PPFIA1: variants seen among roughly 807,000 people sequenced by gnomAD.
PPFIA1 encodes liprin-alpha-1.
Under a neutral mutation model 149.9 loss-of-function variants are expected in PPFIA1, and 25 were observed. That is an observed-to-expected ratio of 0.17 (90% CI 0.12 to 0.23). The LOEUF is 0.23. PPFIA1 is among the 10% of genes least tolerant of loss of function. PPFIA1 has a pLI of 1.00. For synonymous variants in PPFIA1, 549 were observed against 552.8 expected (o/e 0.99, Z 0.10); for missense variants, 1,362 against 1,506.5 (o/e 0.90, Z 1.59).
At chr11:70,272,138 G>A in intron 1 of PPFIA1, 35 bp from the exon 2 acceptor site, 1 of 1,601,500 alleles carries the variant, frequency 6.2e-7, no homozygotes, top group East Asian at 2.2e-5. Flanking sequence ...TGTATTCTGA[G>A]CTTAATTACT....
At chr11:70,345,792 C>G (rs964807547) in intron 15 of PPFIA1, 1 of 207,060 alleles carries the variant, frequency 4.8e-6, no homozygotes, top group African/African-American at 2.3e-5. Context: ...ATGCTGCTGC[C>G]CTCCAGCCAG....
Position 70,270,905 on chromosome 11 carries a change from G to C in PPFIA1, c.-10G>C, listed in dbSNP as rs2050028318. The stretch of plus-strand genomic sequence containing the variant: ...CGGAGCCTCCTCGCCCGCTCCCGCC[G>C]GCGAGCAAGGTAAGGGAGCGGGACA... On this transcript the variant is annotated 5_prime_UTR_variant, in exon 1 of 28. Coordinates refer to ENST00000253925, the MANE Select transcript of PPFIA1 (RefSeq NM_003626.5). 1 of 151,390 alleles carries C rather than the reference G, an allele frequency of 6.6e-6. No individual in the cohort carries two copies. The highest frequency in any genetic ancestry group is 1.5e-5 in the Non-Finnish European group (1 of 67,764). 9.4% of individuals were successfully genotyped at this position (151,390 alleles called of 1,614,324 possible).
intron 2 of PPFIA1, among the ~76,000 whole-genome samples, chr11:70,302,827 T>TTGAACTCC (rs1408456400): frequency 6.6e-6 from 1 of 151,662 alleles, no homozygotes; most frequent in Non-Finnish European, 1.5e-5. Context: ...CAGGCTGATC[T>TTGAACTCC]TGAACTCCTG....
At chr11:70,321,903 C>G (rs2053965489) in intron 2 of PPFIA1, among the ~76,000 whole-genome samples, 1 of 152,174 alleles carries the variant, frequency 6.6e-6, no homozygotes, top group South Asian at 2.1e-4. Context: ...GAGTTTCGCT[C>G]TTGTTGCCCA....
At chr11:70,378,263 A>G in intron 26 of PPFIA1, 68 bp downstream of exon 26, 2 of 1,551,224 alleles carry the variant, frequency 1.3e-6, no homozygotes, top group Non-Finnish European at 1.7e-6. Flanking sequence ...TGGAACATTA[A>G]TAATGATCTA....
chr11:70,350,477 T>C (rs1161493209), intron 16 of PPFIA1, among the ~76,000 whole-genome samples: 1 of 152,210 alleles, frequency 6.6e-6, no homozygotes, highest in Non-Finnish European at 1.5e-5. Flanking sequence ...TTCTTATATA[T>C]TTTCACAGGA....
At chr11:70,356,484 A>T (rs368558054) in intron 19 of PPFIA1, among the ~76,000 whole-genome samples, 15 of 152,254 alleles carry the variant, frequency 9.9e-5, no homozygotes, top group African/African-American at 7.2e-5. Context: ...CAACCAGGAG[A>T]TAGGGTGGGT....
In PPFIA1 at chr11:70,350,962, T is replaced by C. The variant is rs750281250; in HGVS notation, c.2163+2542T>C. ...TTCAAAGTGTATATAGTAAATCTGG[T>C]TTCTCTTCATTTCTTTGCATGCATC... On this transcript the variant is annotated intron_variant, in intron 16 of 27. Coordinates refer to ENST00000253925, the MANE Select transcript of PPFIA1 (RefSeq NM_003626.5). 9.0e-6 allele frequency: 11 copies of C among 1,228,858 alleles called. No homozygotes were observed. In the South Asian group the frequency reaches 1.6e-4, roughly 17 times the overall value. The allele number at this position is 1,228,858 out of a possible 1,614,324, so 76.1% of individuals were successfully genotyped here. A position where few individuals can be genotyped will look rare whatever the true frequency, so the allele number is the denominator to read the frequency against.
intron 2 of PPFIA1, among the ~76,000 whole-genome samples, chr11:70,316,147 C>T (rs1195810052): frequency 2.0e-5 from 3 of 152,110 alleles, no homozygotes; most frequent in African/African-American, 7.2e-5. Context: ...TCTCGGCTCA[C>T]TGCAGCCTCT....
chr11:70,332,637 G>A (rs1262643997), intron 9 of PPFIA1, among the ~76,000 whole-genome samples: 1 of 152,194 alleles, frequency 6.6e-6, no homozygotes, highest in African/African-American at 2.4e-5. Flanking sequence ...GTCCCTCCAA[G>A]TTCTCCCCAT....
chr11:70,337,042 A>C (rs1441714348), intron 11 of PPFIA1, among the ~76,000 whole-genome samples: 1 of 152,268 alleles, frequency 6.6e-6, no homozygotes, highest in Non-Finnish European at 1.5e-5. Flanking sequence ...ACTTAAATTC[A>C]GGTTTCCCAA....
chr11:70,274,608 C>T (rs756610313), intron 2 of PPFIA1, among the ~76,000 whole-genome samples: 1 of 152,186 alleles, frequency 6.6e-6, no homozygotes, highest in Admixed American at 6.5e-5. Flanking sequence ...CTGGTCATCC[C>T]GTGCACGAAC....
chr11:70,307,399 A>G (rs1458051542), intron 2 of PPFIA1, among the ~76,000 whole-genome samples: 1 of 152,174 alleles, frequency 6.6e-6, no homozygotes, highest in African/African-American at 2.4e-5. Context: ...GGAGGATGTT[A>G]TGCACCGATA....
intron 2 of PPFIA1, among the ~76,000 whole-genome samples, chr11:70,298,778 T>C (rs548596878): frequency 8.5e-5 from 13 of 152,314 alleles, no homozygotes; most frequent in Middle Eastern, 3.4e-3. Flanking sequence ...TACATTCATC[T>C]TTACGATTCT....
chr11:70,311,444 A>G (rs764453505), intron 2 of PPFIA1, among the ~76,000 whole-genome samples: 2 of 152,230 alleles, frequency 1.3e-5, no homozygotes, highest in Non-Finnish European at 2.9e-5. Context: ...GCTTTCTTCA[A>G]ACTGTTAACA....
At chr11:70,360,706 G>A (rs73519495) in intron 19 of PPFIA1, among the ~76,000 whole-genome samples, 1,593 of 152,344 alleles carry the variant, frequency 0.01, 33 homozygotes, top group African/African-American at 0.036. Flanking sequence ...CGCATCTTGC[G>A]ATACCACTTC....
At chr11:70,317,395 CT>C (rs2053698906) in intron 2 of PPFIA1, among the ~76,000 whole-genome samples, 1 of 152,134 alleles carries the variant, frequency 6.6e-6, no homozygotes, top group African/African-American at 2.4e-5. Context: ...TTGTTGGATT[CT>C]TCTGAGCAGA....
chr11:70,275,766 T>C (rs1290210682), intron 2 of PPFIA1, among the ~76,000 whole-genome samples: 6 of 152,190 alleles, frequency 3.9e-5, no homozygotes, highest in Non-Finnish European at 7.3e-5. Flanking sequence ...CTTTTTGTCA[T>C]CTTTGCACAA....
rs528654950 is a variant in PPFIA1 at position 70,380,295 on chromosome 11, C to T, written c.3551-1793C>T. The stretch of plus-strand genomic sequence containing the variant: ...AAAATACAAAAAAATCGGCCGGGCT[C>T]GGTGGCTCACGCCTGTAATCCCAGC... On this transcript the variant is annotated intron_variant, in intron 26 of 27. Transcript: ENST00000253925. 3.0e-4 allele frequency among the ~76,000 whole-genome samples: 46 copies of T among 151,530 alleles called. 1 individual carries two copies. Among genetic ancestry groups the T allele is most frequent in the African/African-American group, 9.7e-4 (40 of 41,284 alleles).
Sources: gnomAD v4.1 joint callset for allele counts (sites outside exome capture counted in the v4.1 genomes callset) on GRCh38, gnomAD v4.1.1 for gene constraint, MANE v1.5 for transcripts, NCBI Gene and HGNC (gene_info 2026-07-23, HGNC 2026-07-21) for gene names.